PCNP: variants seen among roughly 807,000 people sequenced by gnomAD.
PCNP encodes the protein PEST proteolytic signal containing nuclear protein.
Under a neutral mutation model 21.8 loss-of-function variants are expected in PCNP, and 6 were observed. The observed-to-expected ratio is 0.28, with a 90% confidence interval of 0.15 to 0.54. The LOEUF is 0.54. Ranked by LOEUF, PCNP falls within the 20% of genes least tolerant of loss-of-function variation. The pLI, the probability that PCNP is intolerant of heterozygous loss-of-function variation, is 0.95. For synonymous variants in PCNP, 67 were observed against 73.2 expected (o/e 0.92, Z 0.43); for missense variants, 161 against 215.5 (o/e 0.75, Z 1.58).
At chr3:101,591,075 C>T (rs1935778593) in intron 4 of PCNP, among the ~76,000 whole-genome samples, 1 of 152,184 alleles carries the variant, frequency 6.6e-6, no homozygotes, top group Non-Finnish European at 1.5e-5. Flanking sequence ...CATGCCCAGC[C>T]ACTTCACTTA....
At chr3:101,579,460 C>T in intron 1 of PCNP, 2 of 451,150 alleles carry the variant, frequency 4.4e-6, no homozygotes, top group South Asian at 3.5e-5. Context: ...TTAGATAGAT[C>T]TGATTTCTAA....
intron 3 of PCNP, among the ~76,000 whole-genome samples, chr3:101,589,568 A>G (rs1935703343): frequency 6.6e-6 from 1 of 151,764 alleles, no homozygotes; most frequent in African/African-American, 2.4e-5. Context: ...GCGCCACCAC[A>G]CCTGGCCAAT....
intron 1 of PCNP, chr3:101,576,945 C>CA (rs1178840500): frequency 6.8e-7 from 1 of 1,462,766 alleles, no homozygotes; most frequent in Non-Finnish European, 9.6e-7. Flanking sequence ...TCACTAGCGA[C>CA]ATGGCGGCAG....
Position 101,582,987 on chromosome 3 carries a change from G to C in PCNP, c.280-2450G>C, listed in dbSNP as rs1935305340. Among the ~76,000 whole-genome samples the C allele has an allele frequency of 3.3e-5, 5 of 152,234 alleles. No homozygotes were observed. The South Asian group carries it at 6.2e-4, about 19-fold the overall frequency. On this transcript the variant is annotated intron_variant, in intron 2 of 4. Transcript: ENST00000265260. ...AAGACTTAAACAGATTTGCATCTTAGAAGCATCACTATGGTACCATATAGA... is the reference window on the plus strand; with the variant it reads ...AAGACTTAAACAGATTTGCATCTTACAAGCATCACTATGGTACCATATAGA...
intron 3 of PCNP, among the ~76,000 whole-genome samples, chr3:101,589,406 C>T (rs1935690299): frequency 2.0e-5 from 1 of 50,108 alleles, no homozygotes; most frequent in Admixed American, 3.1e-4. Context: ...AAGGAATGAG[C>T]TCTCTTTTTT....
upstream of PCNP, chr3:101,574,109 G>T: frequency 6.9e-7 from 1 of 1,444,520 alleles, no homozygotes; most frequent in Non-Finnish European, 9.2e-7. Flanking sequence ...CATTCCTCGG[G>T]ACCGCTCTAG....
chr3:101,590,002 G>A (rs6441614), intron 3 of PCNP: 502,634 of 503,140 alleles, frequency 1, 251,065 homozygotes, highest in South Asian at 1. Context: ...TTTTTCAGCA[G>A]TTTTTTTTCT....
chr3:101,579,726 G>A (rs766141650), intron 1 of PCNP, 64 bp from the exon 2 acceptor site: 184 of 1,091,786 alleles, frequency 1.7e-4, no homozygotes, highest in Non-Finnish European at 2.5e-4. Context: ...TTTTGAGGTT[G>A]CTGCTCCCAT....
chr3:101,586,082 A>C, intron 3 of PCNP, among the ~76,000 whole-genome samples: 1 of 148,600 alleles, frequency 6.7e-6, no homozygotes, highest in East Asian at 2.1e-4. Context: ...GAGGCAGGAG[A>C]ATTGCTTGAA....
At chr3:101,584,273 T>C (rs1209983388) in intron 2 of PCNP, among the ~76,000 whole-genome samples, 1 of 152,194 alleles carries the variant, frequency 6.6e-6, no homozygotes, top group Non-Finnish European at 1.5e-5. Context: ...GGAAAAGTCA[T>C]TGACAACAAA....
At position 101,576,924 on chromosome 3, in the gene PCNP, C is replaced by T. The variant is rs1316490122; in HGVS notation, c.64+2645C>T. The T allele has an allele frequency of 5.1e-6, 8 of 1,576,646 alleles. No homozygotes were observed. In the African/African-American group the frequency reaches 6.7e-5, roughly 13 times the overall value. The stretch of plus-strand genomic sequence containing the variant: ...TGAGTACTCGCAAAATATGCTGGAA[C>T]TTTTCAGGGATCACTAGCGACATGG... On this transcript the variant is annotated intron_variant, in intron 1 of 4. Transcript: ENST00000265260.
At position 101,585,468 on chromosome 3, in the gene PCNP, CA is replaced by C; in HGVS notation, c.316del (p.Thr106LeufsTer4). ...AAAGAAACTGTTCCAACTCTTGCTC[CA>C]AAAACTCTTTCAGTAGCAGCAGCTT... ...KPKETVPTLA[P>X]KTLSVAAAFN... is the part of the protein sequence containing the mutation. On this transcript the variant is annotated frameshift_variant, in exon 3 of 5. Transcript: ENST00000265260. LOFTEE classifies it high-confidence loss of function. 6.2e-7 allele frequency: 1 copy of C among 1,607,774 alleles called. No homozygotes were observed. The highest frequency in any genetic ancestry group is 8.5e-7 in the Non-Finnish European group (1 of 1,176,642).
At chr3:101,578,348 CTT>C (rs1327884665) in intron 1 of PCNP, among the ~76,000 whole-genome samples, 1 of 152,214 alleles carries the variant, frequency 6.6e-6, no homozygotes, top group East Asian at 1.9e-4. Flanking sequence ...GCATCATACT[CTT>C]TCAGAGATAT....
intron 1 of PCNP, chr3:101,576,553 C>T (rs1263211413): frequency 2.5e-6 from 4 of 1,610,722 alleles, no homozygotes; most frequent in Admixed American, 1.7e-5. Flanking sequence ...GTGCTGGCCT[C>T]GGACACGAAG....
chr3:101,574,306 A>G, intron 1 of PCNP, 27 bp downstream of exon 1: 1 of 1,405,686 alleles, frequency 7.1e-7, no homozygotes, highest in South Asian at 1.3e-5. Context: ...CGTCGTGGGC[A>G]GCGTGGGATG....
At chr3:101,575,688 A>AT (rs1331813939) in intron 1 of PCNP, among the ~76,000 whole-genome samples, 1 of 152,196 alleles carries the variant, frequency 6.6e-6, no homozygotes, top group Admixed American at 6.5e-5. Context: ...TCATGTGTTG[A>AT]TTTTAAGGCC....
At chr3:101,574,534 A>G (rs373569000) in intron 1 of PCNP, among the ~76,000 whole-genome samples, 2 of 152,194 alleles carry the variant, frequency 1.3e-5, no homozygotes, top group East Asian at 3.9e-4. Context: ...TTCCGAGGAG[A>G]AGGGAGATGG....
intron 2 of PCNP, among the ~76,000 whole-genome samples, chr3:101,581,824 T>A (rs1201147637): frequency 1.3e-5 from 2 of 151,998 alleles, no homozygotes; most frequent in Admixed American, 1.3e-4. Flanking sequence ...CACTGCAACC[T>A]CTGACTCTGG....
At chr3:101,579,516 G>A (rs1935114279) in intron 1 of PCNP, 1 of 584,286 alleles carries the variant, frequency 1.7e-6, no homozygotes, top group African/African-American at 1.8e-5. Context: ...AAATTGTAGT[G>A]TTTAGTTGAA....
Sources: allele counts gnomAD v4.1 joint callset (sites outside exome capture counted in the v4.1 genomes callset), GRCh38; gene constraint gnomAD v4.1.1; transcripts MANE v1.5; gene names NCBI Gene and HGNC (gene_info 2026-07-23, HGNC 2026-07-21).